AOAH: variants seen among roughly 807,000 people sequenced by gnomAD.
AOAH encodes acyloxyacyl hydrolase.
A neutral mutation model predicts 92.2 loss-of-function variants in AOAH; 64 were observed. The ratio of observed to expected loss-of-function variants is 0.69; its 90% confidence interval spans 0.57 to 0.86. AOAH has a LOEUF of 0.86. Ranked by LOEUF, AOAH falls within the 40% of genes least tolerant of loss-of-function variation. The probability of loss-of-function intolerance (pLI) is 0.00; values close to 1 mark genes in which losing one functional copy is unlikely to be tolerated. For synonymous variants in AOAH, 263 were observed against 254.5 expected (o/e 1.03, Z -0.32); for missense variants, 656 against 694.6 (o/e 0.94, Z 0.62).
intron 3 of AOAH, among the ~76,000 whole-genome samples, chr7:36,670,643 T>G (rs1325304679): frequency 6.6e-6 from 1 of 151,922 alleles, no homozygotes; most frequent in African/African-American, 2.4e-5. Flanking sequence ...CCCGGCTAAT[T>G]TTTTTTGTAT....
chr7:36,678,600 T>TGCGCGCGC (rs1554314414), intron 2 of AOAH, among the ~76,000 whole-genome samples: 26 of 131,070 alleles, frequency 2.0e-4, no homozygotes, highest in African/African-American at 4.5e-4. Flanking sequence ...TGTGTGTGTG[T>TGCGCGCGC]GCGCGCGCGC....
At chr7:36,682,352 A>G (rs1796703422) in intron 2 of AOAH, among the ~76,000 whole-genome samples, 1 of 152,236 alleles carries the variant, frequency 6.6e-6, no homozygotes, top group Non-Finnish European at 1.5e-5. Flanking sequence ...CTGTGCATTT[A>G]GAAAAACTAC....
intron 10 of AOAH, among the ~76,000 whole-genome samples, chr7:36,617,067 A>G (rs1459955772): frequency 6.6e-6 from 1 of 152,242 alleles, no homozygotes; most frequent in Non-Finnish European, 1.5e-5. Flanking sequence ...CTGTGAACTC[A>G]TTCTTCCAAA....
At chr7:36,712,357 T>A (rs990575289) in intron 1 of AOAH, among the ~76,000 whole-genome samples, 9 of 152,134 alleles carry the variant, frequency 5.9e-5, no homozygotes, top group Admixed American at 2.0e-4. Flanking sequence ...AAATTCAGGT[T>A]TTTTCTTAAC....
chr7:36,537,793 GATT>G (rs1361912019), intron 16 of AOAH, among the ~76,000 whole-genome samples: 1 of 151,560 alleles, frequency 6.6e-6, no homozygotes, highest in Non-Finnish European at 1.5e-5. Flanking sequence ...AAAGTGCTGA[GATT>G]ACAGGCGTGA....
intron 11 of AOAH, among the ~76,000 whole-genome samples, chr7:36,615,699 C>A (rs73340109): frequency 0.029 from 4,469 of 152,228 alleles, 228 homozygotes; most frequent in African/African-American, 0.1. Flanking sequence ...AGGTGATGAA[C>A]TGGTAATATA....
intron 12 of AOAH, among the ~76,000 whole-genome samples, chr7:36,589,049 CT>C (rs5883562): frequency 0.24 from 35,968 of 151,802 alleles, 5,253 homozygotes; most frequent in African/African-American, 0.4. Context: ...TAGCTTTTTA[CT>C]TTTTTTGAAA....
chr7:36,672,653 A>G (rs1343269942), intron 3 of AOAH, among the ~76,000 whole-genome samples: 1 of 152,190 alleles, frequency 6.6e-6, no homozygotes, highest in East Asian at 1.9e-4. Context: ...GAGCATTAGG[A>G]CAAATACCTA....
At chr7:36,634,673 T>G (rs553693724) in intron 5 of AOAH, among the ~76,000 whole-genome samples, 1 of 152,336 alleles carries the variant, frequency 6.6e-6, no homozygotes, top group East Asian at 1.9e-4. Context: ...ACAGACACTA[T>G]CTGAGATCCA....
chr7:36,629,634 G>A (rs1751053705), intron 6 of AOAH, among the ~76,000 whole-genome samples: 1 of 152,204 alleles, frequency 6.6e-6, no homozygotes, highest in Admixed American at 6.5e-5. Flanking sequence ...CTGGCTTGCA[G>A]GGGCTTATGC....
At chr7:36,692,760 A>G (rs1002172285) in intron 1 of AOAH, among the ~76,000 whole-genome samples, 5 of 152,234 alleles carry the variant, frequency 3.3e-5, no homozygotes, top group Non-Finnish European at 7.3e-5. Context: ...AGAAGCTTGA[A>G]GAGACACATA....
intron 3 of AOAH, among the ~76,000 whole-genome samples, chr7:36,669,991 G>C (rs1795811299): frequency 6.6e-6 from 1 of 152,134 alleles, no homozygotes; most frequent in Non-Finnish European, 1.5e-5. Flanking sequence ...GGATTGAGCT[G>C]CCCCCTGAAG....
intron 11 of AOAH, among the ~76,000 whole-genome samples, chr7:36,613,378 G>A (rs940878003): frequency 6.6e-6 from 1 of 152,162 alleles, no homozygotes; most frequent in Non-Finnish European, 1.5e-5. Flanking sequence ...AATAAATAAG[G>A]AAAAGCAGGA....
chr7:36,722,935 GAAAAAAAAAA>G (rs11407908), intron 1 of AOAH, among the ~76,000 whole-genome samples: 40 of 49,508 alleles, frequency 8.1e-4, no homozygotes, highest in Middle Eastern at 0.015. Flanking sequence ...ATCCATCTCA[GAAAAAAAAAA>G]AAAAAAAAAA....
chr7:36,573,862 C>T (rs1018959501), intron 13 of AOAH, among the ~76,000 whole-genome samples: 3 of 152,316 alleles, frequency 2.0e-5, no homozygotes, highest in African/African-American at 7.2e-5. Flanking sequence ...TTAAGAAACA[C>T]TTTACTATTC....
chr7:36,633,861 G>GTCTT (rs924106043), intron 5 of AOAH, among the ~76,000 whole-genome samples: 53 of 152,282 alleles, frequency 3.5e-4, no homozygotes, highest in African/African-American at 1.3e-3. Context: ...TAATAATTCA[G>GTCTT]TCTTTGCTGT....
chr7:36,567,809 AG>A (rs928257075), intron 13 of AOAH, among the ~76,000 whole-genome samples: 2 of 152,310 alleles, frequency 1.3e-5, no homozygotes, highest in Admixed American at 1.3e-4. Context: ...AGGTTTCTTT[AG>A]GTCAGCAGCA....
At chr7:36,598,306 C>T (rs1790285927) in intron 11 of AOAH, 1 of 152,144 alleles carries the variant, frequency 6.6e-6, no homozygotes, top group African/African-American at 2.4e-5. Context: ...CAGCGGGAGC[C>T]CTGGAAGGCC....
At chr7:36,717,625 A>G (rs1226574513) in intron 1 of AOAH, among the ~76,000 whole-genome samples, 2 of 150,956 alleles carry the variant, frequency 1.3e-5, no homozygotes, top group African/African-American at 2.4e-5. Flanking sequence ...GGCGGCCAAC[A>G]TTTTTTGTTT....
Sources: gnomAD v4.1 joint callset for allele counts (sites outside exome capture counted in the v4.1 genomes callset) on GRCh38, gnomAD v4.1.1 for gene constraint, MANE v1.5 for transcripts, NCBI Gene and HGNC (gene_info 2026-07-23, HGNC 2026-07-21) for gene names.